Variants in PCNT observed in about 807,000 individuals in gnomAD.
The protein encoded by PCNT is kendrin.
PCNT carries 319 observed loss-of-function variants against 380.4 expected under a neutral mutation model. The observed-to-expected ratio is 0.84, with a 90% CI of 0.77 to 0.92. The LOEUF is 0.92. Ranked by LOEUF, PCNT falls within the 40% of genes least tolerant of loss-of-function variation. The pLI is 0.00. For synonymous variants in PCNT, 1,845 were observed against 1,735.2 expected (o/e 1.06, Z -1.57); for missense variants, 4,400 against 4,255.3 (o/e 1.03, Z -0.95).
rs1018886436 is a variant in PCNT at position 46,436,438 on chromosome 21, C to T, written c.8996+290C>T. ...CTTTACACTCTGTGTAGTTGCTCAC[C>T]ACCCACAGGGTCGGGTTTGGAGCCT... On this transcript the variant is annotated intron_variant, in intron 39 of 46. Transcript: ENST00000359568. 7.4e-5 allele frequency among the ~76,000 whole-genome samples: 11 copies of T among 148,640 alleles called. No homozygotes were observed. The South Asian group carries it at 1.1e-3, about 15-fold the overall frequency.
intron 27 of PCNT, among the ~76,000 whole-genome samples, chr21:46,407,746 T>C (rs1289265842): frequency 3.3e-5 from 5 of 152,228 alleles, no homozygotes; most frequent in Non-Finnish European, 7.3e-5. Context: ...ATTCCTGATA[T>C]TAGTGAGTTC....
intron 24 of PCNT, among the ~76,000 whole-genome samples, chr21:46,398,615 G>A (rs140122338): frequency 5.9e-4 from 89 of 152,124 alleles, no homozygotes; most frequent in African/African-American, 2.1e-3. Flanking sequence ...CGGCCATGCC[G>A]CCGTCCTTTC....
In PCNT at chr21:46,431,869, T is replaced by C. The variant is rs778797185; in HGVS notation, c.8405T>C (p.Val2802Ala). 1.9e-6 allele frequency: 3 copies of C among 1,614,028 alleles called. No homozygotes were observed. Among genetic ancestry groups the C allele is most frequent in the South Asian group, 2.2e-5 (2 of 91,078 alleles). Residue 2802 changes from valine (V) to alanine (A), a missense_variant, in exon 38 of 47, where the codon GTG (valine) becomes GCG (alanine). Val to Ala is a moderately conservative substitution (Grantham distance 64, BLOSUM62 0). Coordinates refer to ENST00000359568, the MANE Select transcript of PCNT (RefSeq NM_006031.6). ...QKLKEEKSRV[V>A]DLQAMLEKVQ... ...CTGAAGGAGGAGAAGTCCCGGGTGG[T>C]GGACTTGCAAGCGATGCTTGAAAAG... is the stretch of plus-strand genomic sequence containing the variant.
chr21:46,445,479 C>T lies in PCNT; in HGVS notation c.*152C>T. On this transcript the variant is annotated 3_prime_UTR_variant, in exon 47 of 47. Coordinates refer to ENST00000359568, the MANE Select transcript of PCNT (RefSeq NM_006031.6). ...GATGCCTTGAATTAAGTGTCCTCAC[C>T]TTTATGCATGACTGCAAAGCCAGCT... The T allele has an allele frequency of 1.4e-6, 1 of 727,492 alleles. No homozygotes were observed. The highest frequency in any genetic ancestry group is 2.5e-6 in the Non-Finnish European group (1 of 397,144). The allele number at this position is 727,492 out of a possible 1,614,324, so 45.1% of individuals were successfully genotyped here.
At chr21:46,381,174 CA>C (rs34108721) in intron 15 of PCNT, among the ~76,000 whole-genome samples, 51,782 of 95,760 alleles carry the variant, frequency 0.54, 12,911 homozygotes, top group Middle Eastern at 0.61. Flanking sequence ...AGAGTCCTTC[CA>C]AAAAAAAAAA....
chr21:46,391,234 G>A lies in PCNT; in HGVS notation c.4074G>A (p.Glu1358=). The change falls in exon 21 of 47, where the codon GAG becomes GAA. Residue 1358 remains glutamate (E), a synonymous_variant. Coordinates refer to ENST00000359568, the MANE Select transcript of PCNT (RefSeq NM_006031.6). ...KEVLAGKEDS[E]HRLVLELESL... ...TGCTGGCCGGGAAGGAGGATTCCGA[G>A]CACCGTCTGGTGCTGGAGCTGGAGA... The A allele has an allele frequency of 6.2e-7, 1 of 1,608,344 alleles. No homozygotes were observed. The highest frequency in any genetic ancestry group is 8.5e-7 in the Non-Finnish European group (1 of 1,177,662).
chr21:46,444,781 T>G lies in PCNT; in HGVS notation c.9927T>G (p.His3309Gln). The part of the protein sequence containing the change: ...PEHSLTEYIH[H>Q]LEVIQQRLGG... Reference sequence around the variant, plus strand: ...ATTCCTTGACAGAGTATATTCACCATTTAGAAGTGATCCAGCAAAGATTGG... The same window carrying G: ...ATTCCTTGACAGAGTATATTCACCAGTTAGAAGTGATCCAGCAAAGATTGG... Residue 3309 changes from histidine to glutamine, a missense_variant, in exon 46 of 47, where the codon CAT becomes CAG. Coordinates refer to ENST00000359568, the MANE Select transcript of PCNT (RefSeq NM_006031.6). 5 of 1,613,358 alleles carry G rather than the reference T, an allele frequency of 3.1e-6. No individual in the cohort carries two copies. The highest frequency in any genetic ancestry group is 4.2e-6 in the Non-Finnish European group (5 of 1,179,316).
At chr21:46,353,802 C>A (rs993971711) in intron 10 of PCNT, among the ~76,000 whole-genome samples, 185 bp from the exon 11 acceptor site, 1 of 151,638 alleles carries the variant, frequency 6.6e-6, no homozygotes, top group African/African-American at 2.4e-5. Context: ...TCCAGACCTG[C>A]ATGTCCCTGT....
intron 2 of PCNT, among the ~76,000 whole-genome samples, chr21:46,328,020 A>G (rs544548809): frequency 6.6e-6 from 1 of 152,280 alleles, no homozygotes; most frequent in East Asian, 1.9e-4. Context: ...CGAGGGCCTT[A>G]GGTGTTGAGT....
At chr21:46,374,559 C>T (rs2085271182) in intron 15 of PCNT, among the ~76,000 whole-genome samples, 1 of 152,132 alleles carries the variant, frequency 6.6e-6, no homozygotes, top group Non-Finnish European at 1.5e-5. Flanking sequence ...CGTGAAAAGA[C>T]ATAACACAAG....
chr21:46,325,447 T>A (rs2083352728), intron 1 of PCNT, among the ~76,000 whole-genome samples: 1 of 152,184 alleles, frequency 6.6e-6, no homozygotes, highest in Non-Finnish European at 1.5e-5. Context: ...GCAGACCAGG[T>A]CTGTGCTATA....
chr21:46,366,431 G>A (rs1052536409), intron 14 of PCNT, among the ~76,000 whole-genome samples, 153 bp from the exon 15 acceptor site: 5 of 152,196 alleles, frequency 3.3e-5, no homozygotes, highest in Admixed American at 3.3e-4. Flanking sequence ...ATTTCTGGTG[G>A]TCGAGGGAAA....
Position 46,349,716 on chromosome 21 carries a change from G to A in PCNT, c.1240G>A (p.Ala414Thr). 1 of 1,614,040 alleles carries A rather than the reference G, an allele frequency of 6.2e-7. No individual in the cohort carries two copies. The highest frequency in any genetic ancestry group is 8.5e-7 in the Non-Finnish European group (1 of 1,179,902). Residue 414 changes from alanine (A) to threonine (T), a missense_variant, in exon 8 of 47, where the codon GCA (alanine) becomes ACA (threonine). Ala to Thr is a moderately conservative substitution (Grantham distance 58, BLOSUM62 0). Transcript: ENST00000359568. Reference sequence around the variant, plus strand: ...TAGGAACCTGGAGAGTCATCATCAAGCAGCCATTGAGAAGTTACGTGAAGA... The same window carrying A: ...TAGGAACCTGGAGAGTCATCATCAAACAGCCATTGAGAAGTTACGTGAAGA... ...ALRNLESHHQ[A>T]AIEKLREDLQ...
chr21:46,395,853 G>A (rs79078330), intron 21 of PCNT, among the ~76,000 whole-genome samples: 12,996 of 150,910 alleles, frequency 0.086, 545 homozygotes, highest in Middle Eastern at 0.15. Flanking sequence ...CTCGGCAGCA[G>A]AGACTCCATC....
intron 15 of PCNT, among the ~76,000 whole-genome samples, chr21:46,372,186 C>CAG (rs2147005327): frequency 6.6e-6 from 1 of 151,096 alleles, no homozygotes; most frequent in African/African-American, 2.4e-5. Context: ...CACATGCACA[C>CAG]ACAGCACACA....
chr21:46,325,220 G>T (rs895373276), intron 1 of PCNT: 2 of 983,878 alleles, frequency 2.0e-6, no homozygotes, highest in Non-Finnish European at 2.4e-6. Flanking sequence ...GGTGCGCGCC[G>T]CTCCCCCCCA....
rs140188464 is a variant in PCNT at position 46,409,274 on chromosome 21, C to T, written c.5116-1915C>T. 6.3e-3 allele frequency among the ~76,000 whole-genome samples: 946 copies of T among 150,946 alleles called. 10 individuals are homozygous for T. The highest frequency in any genetic ancestry group is 0.021 in the African/African-American group (871 of 40,988). On this transcript the variant is annotated intron_variant, in intron 27 of 46. Transcript: ENST00000359568. The stretch of plus-strand genomic sequence containing the variant: ...CGCATTTTTGGCTTGCTGCAACCTC[C>T]GCCTCCCAGGCTCAAGCAGTCCTCC...
chr21:46,382,693 A>G (rs374508521), intron 16 of PCNT, among the ~76,000 whole-genome samples: 1 of 137,542 alleles, frequency 7.3e-6, no homozygotes, highest in Non-Finnish European at 1.5e-5. Context: ...GCGGAAGCGC[A>G]TTCACAGTGT....
intron 3 of PCNT, among the ~76,000 whole-genome samples, chr21:46,340,936 T>C (rs756535333): frequency 3.6e-4 from 54 of 152,016 alleles, no homozygotes; most frequent in Non-Finnish European, 6.9e-4. Flanking sequence ...CAGGCTGGAG[T>C]GCAGTGGTGC....
Sources: allele counts gnomAD v4.1 joint callset (sites outside exome capture counted in the v4.1 genomes callset), GRCh38; gene constraint gnomAD v4.1.1; transcripts MANE v1.5; gene names NCBI Gene and HGNC (gene_info 2026-07-23, HGNC 2026-07-21).